Variants in PDE11A observed in about 807,000 individuals in gnomAD.
The protein encoded by PDE11A is dual 3',5'-cyclic-AMP and -GMP phosphodiesterase 11A.
A neutral mutation model predicts 100.5 loss-of-function variants in PDE11A; 100 were observed. The ratio of observed to expected loss-of-function variants is 1.00; its 90% CI spans 0.85 to 1.18. PDE11A has a LOEUF of 1.18. Ranked by LOEUF, PDE11A falls within the 50% of genes most tolerant of loss-of-function variation. The pLI is 0.00. For synonymous variants in PDE11A, 381 were observed against 420.8 expected (o/e 0.91, Z 1.16); for missense variants, 1,141 against 1,152.6 (o/e 0.99, Z 0.15).
In PDE11A at chr2:177,958,685, G is replaced by A. The variant is rs557777794; in HGVS notation, c.1072-53498C>T. On this transcript the variant is annotated intron_variant, in intron 2 of 19. Coordinates refer to ENST00000286063, the MANE Select transcript of PDE11A (RefSeq NM_016953.4). ...TCACCAGAATCAAGCCTTAAGGAAC[G>A]GACATAATTCCTTAAACTGAGCAAC... Among the ~76,000 whole-genome samples, 8 of 152,260 alleles carry A rather than the reference G, an allele frequency of 5.3e-5. No individual in the cohort carries two copies. The East Asian group carries it at 1.3e-3, about 26-fold the overall frequency.
chr2:177,776,318 A>T (rs994545654), intron 9 of PDE11A, among the ~76,000 whole-genome samples: 4 of 152,200 alleles, frequency 2.6e-5, no homozygotes, highest in Admixed American at 6.5e-5. Flanking sequence ...CCTGTATTTT[A>T]TCTGGCAACC....
chr2:177,766,282 G>A (rs2082237576), intron 10 of PDE11A, among the ~76,000 whole-genome samples: 1 of 152,190 alleles, frequency 6.6e-6, no homozygotes, highest in Non-Finnish European at 1.5e-5. Context: ...ACTCCTATGA[G>A]AATCTAATGC....
At chr2:177,866,311 C>T (rs969749804) in intron 5 of PDE11A, among the ~76,000 whole-genome samples, 14 of 152,154 alleles carry the variant, frequency 9.2e-5, no homozygotes, top group Admixed American at 7.2e-4. Flanking sequence ...TGGGTCACTC[C>T]CGTGAAAGCA....
chr2:177,933,604 C>T (rs546035541), intron 2 of PDE11A, among the ~76,000 whole-genome samples: 3 of 152,152 alleles, frequency 2.0e-5, no homozygotes, highest in South Asian at 4.2e-4. Context: ...TTGCTTGAAC[C>T]AGGGAGGTGG....
intron 19 of PDE11A, among the ~76,000 whole-genome samples, chr2:177,645,367 T>C (rs1243411355): frequency 6.6e-6 from 1 of 150,546 alleles, no homozygotes; most frequent in Non-Finnish European, 1.5e-5. Context: ...TGTATATATA[T>C]AATCTTTTTA....
intron 1 of PDE11A, among the ~76,000 whole-genome samples, chr2:178,070,000 G>GA (rs1057084062): frequency 1.3e-4 from 20 of 150,756 alleles, no homozygotes; most frequent in East Asian, 3.9e-4. Context: ...AAGGATGTGG[G>GA]AAAAAAAAAT....
Position 177,626,939 on chromosome 2 carries a change from G to T in PDE11A, c.*2468C>A, listed in dbSNP as rs369865310. 1 of 139,158 alleles carries T rather than the reference G, an allele frequency of 7.2e-6. No homozygotes were observed. The highest frequency in any genetic ancestry group is 2.7e-5 in the African/African-American group (1 of 36,594). The allele number at this position is 139,158 out of a possible 1,614,324, so 8.6% of individuals were successfully genotyped here. A position where few individuals can be genotyped will look rare whatever the true frequency, so the allele number is the denominator to read the frequency against. The stretch of plus-strand genomic sequence containing the variant: ...TTCATTTCCCTTAACCACCTGTCTC[G>T]GTCCCTGTCTTTCCTTTACTGGTGT... On this transcript the variant is annotated 3_prime_UTR_variant, in exon 20 of 20. Coordinates refer to ENST00000286063, the MANE Select transcript of PDE11A (RefSeq NM_016953.4).
chr2:178,074,458 G>A (rs933934403), upstream of PDE11A, among the ~76,000 whole-genome samples: 11 of 152,074 alleles, frequency 7.2e-5, no homozygotes, highest in Admixed American at 2.0e-4. Flanking sequence ...TGTTGTGCAC[G>A]GAGACAAGAA....
chr2:177,678,517 C>T (rs2080813419), intron 16 of PDE11A, among the ~76,000 whole-genome samples: 1 of 152,168 alleles, frequency 6.6e-6, no homozygotes, highest in African/African-American at 2.4e-5. Context: ...GTATATCTCA[C>T]CATTGACTAT....
intron 5 of PDE11A, among the ~76,000 whole-genome samples, chr2:177,869,263 C>T (rs1380679436): frequency 6.6e-6 from 1 of 152,192 alleles, no homozygotes; most frequent in Non-Finnish European, 1.5e-5. Flanking sequence ...GCTGGATTTG[C>T]TGCTCAGGCT....
intron 2 of PDE11A, among the ~76,000 whole-genome samples, chr2:178,013,291 T>TA (rs1217047526): frequency 1.3e-5 from 2 of 152,192 alleles, no homozygotes; most frequent in East Asian, 3.9e-4. Flanking sequence ...TCATACCCCA[T>TA]AGCATTTTAC....
At chr2:177,642,410 G>A (rs1208319989) in intron 19 of PDE11A, among the ~76,000 whole-genome samples, 1 of 152,202 alleles carries the variant, frequency 6.6e-6, no homozygotes, top group South Asian at 2.1e-4. Flanking sequence ...GACTTAAATA[G>A]CTGATTCAGT....
rs556837083 is a variant in PDE11A at position 177,633,097 on chromosome 2, T to C, written c.2647-3535A>G. Among the ~76,000 whole-genome samples, 43 of 152,404 alleles carry C rather than the reference T, an allele frequency of 2.8e-4. No homozygotes were observed. The South Asian group carries it at 8.5e-3, about 30-fold the overall frequency. On this transcript the variant is annotated intron_variant, in intron 19 of 19. Coordinates refer to ENST00000286063, the MANE Select transcript of PDE11A (RefSeq NM_016953.4). ...TATGGAAAGGTGATTTCCCACTTTA[T>C]GCTTTGGGTTAGTTAGCTATTTTTT... is the stretch of plus-strand genomic sequence containing the variant.
At chr2:177,914,460 G>T (rs1559004415) in intron 2 of PDE11A, among the ~76,000 whole-genome samples, 2 of 152,110 alleles carry the variant, frequency 1.3e-5, no homozygotes, top group Non-Finnish European at 2.9e-5. Context: ...CTCTGCCAAG[G>T]TTATTTTTAT....
At chr2:177,794,278 G>C (rs902892493) in intron 9 of PDE11A, among the ~76,000 whole-genome samples, 1 of 152,166 alleles carries the variant, frequency 6.6e-6, no homozygotes, top group Non-Finnish European at 1.5e-5. Flanking sequence ...GGATGAGAGG[G>C]TGTAGGGTGC....
rs1265876012 is a variant in PDE11A at position 178,096,389 on chromosome 2, G to A, written c.162+7913C>T. Reference sequence around the variant, plus strand: ...AGGGTTTCACTGTGTTAGCCAGGATGGTCTCGATCTCCTGACCTCATGATC... The same window carrying A: ...AGGGTTTCACTGTGTTAGCCAGGATAGTCTCGATCTCCTGACCTCATGATC... On this transcript the variant is annotated intron_variant, in intron 2 of 20. Transcript: ENST00000358450. Among the ~76,000 whole-genome samples, 3 of 149,704 alleles carry A rather than the reference G, an allele frequency of 2.0e-5. No homozygotes were observed. The East Asian group carries it at 5.9e-4, about 29-fold the overall frequency.
At chr2:177,919,640 G>A (rs2085010359) in intron 2 of PDE11A, among the ~76,000 whole-genome samples, 1 of 151,758 alleles carries the variant, frequency 6.6e-6, no homozygotes, top group East Asian at 1.9e-4. Flanking sequence ...GTTATAATGG[G>A]TATTAAAGAT....
intron 2 of PDE11A, among the ~76,000 whole-genome samples, chr2:177,938,596 C>T (rs1348274130): frequency 1.3e-5 from 2 of 152,188 alleles, no homozygotes; most frequent in Non-Finnish European, 2.9e-5. Context: ...ATAAGACCAC[C>T]AGATAGCCTA....
At chr2:177,939,902 G>A (rs1366768169) in intron 2 of PDE11A, among the ~76,000 whole-genome samples, 3 of 152,210 alleles carry the variant, frequency 2.0e-5, no homozygotes, top group Non-Finnish European at 4.4e-5. Context: ...CCAATCATAA[G>A]TGGACCTTGT....
Sources: allele counts gnomAD v4.1 joint callset (sites outside exome capture counted in the v4.1 genomes callset), GRCh38; gene constraint gnomAD v4.1.1; transcripts MANE v1.5; gene names NCBI Gene and HGNC (gene_info 2026-07-23, HGNC 2026-07-21).